The following PRTG variants were observed in gnomAD, a reference collection of about 807,000 sequenced individuals.
PRTG encodes immunoglobulin superfamily, DCC subclass, member 5.
PRTG carries 67 observed loss-of-function variants against 122.5 expected under a neutral mutation model. The ratio of observed to expected loss-of-function variants is 0.55; its 90% CI spans 0.45 to 0.67. The LOEUF (loss-of-function observed/expected upper bound fraction) is 0.67, where lower values mean the gene tolerates loss of function less well. Ranked by LOEUF, PRTG falls within the 30% of genes least tolerant of loss-of-function variation. PRTG has a pLI of 0.00. For missense variants in PRTG, 1,435 were observed against 1,415.4 expected (o/e 1.01, Z -0.22); for synonymous variants, 554 against 501.1 (o/e 1.11, Z -1.41).
At chr15:55,711,250 C>A (rs974605578) in intron 2 of PRTG, among the ~76,000 whole-genome samples, 2 of 152,036 alleles carry the variant, frequency 1.3e-5, no homozygotes, top group Non-Finnish European at 2.9e-5. Context: ...TTATCCTTTC[C>A]TATTCCTCTG....
chr15:55,679,197 G>A (rs1457529675), intron 7 of PRTG, 89 bp downstream of exon 7: 6 of 769,954 alleles, frequency 7.8e-6, no homozygotes, highest in Middle Eastern at 2.7e-4. Context: ...AGATAATTTA[G>A]GTATTTGATA....
chr15:55,645,202 G>C (rs570599097), intron 11 of PRTG, among the ~76,000 whole-genome samples: 1 of 151,460 alleles, frequency 6.6e-6, no homozygotes, highest in African/African-American at 2.4e-5. Context: ...TTGGGAGGCC[G>C]AGACGGGCGG....
chr15:55,741,152 C>T (rs1414141338), intron 1 of PRTG, among the ~76,000 whole-genome samples: 2 of 152,222 alleles, frequency 1.3e-5, no homozygotes, highest in African/African-American at 2.4e-5. Context: ...GGCACCTACT[C>T]CTTTGGGAAC....
At chr15:55,626,486 G>A (rs1238339235) in intron 17 of PRTG, among the ~76,000 whole-genome samples, 1 of 151,474 alleles carries the variant, frequency 6.6e-6, no homozygotes, top group African/African-American at 2.4e-5. Context: ...GCTGATACCT[G>A]TAATCTCAGC....
At chr15:55,742,536 A>C (rs1016286909) in intron 1 of PRTG, 22 of 308,804 alleles carry the variant, frequency 7.1e-5, no homozygotes, top group Non-Finnish European at 1.0e-4. Flanking sequence ...CGCGAGAAGG[A>C]AGAGACCAGA....
In PRTG at chr15:55,683,874, G is replaced by A. The variant is rs769785792; in HGVS notation, c.455C>T (p.Ala152Val). The A allele has an allele frequency of 1.9e-6, 3 of 1,613,816 alleles. No individual in the cohort carries two copies. The highest frequency in any genetic ancestry group is 2.5e-6 in the Non-Finnish European group (3 of 1,179,772). The change falls in exon 3 of 20, where the codon GCT becomes GTT. Residue 152 changes from alanine to valine, a missense_variant. Physicochemically the swap from Ala to Val is moderately conservative, Grantham distance 64 (BLOSUM62 0). Coordinates refer to ENST00000389286, the MANE Select transcript of PRTG (RefSeq NM_173814.6). The part of the protein sequence containing the change: ...ISTEVHEGGV[A>V]RFACKISSHP... ...GGATGAAATCTTGCATGCAAATCGA[G>A]CAACTCCACCTTCGTGGACCTCAGT... is the stretch of plus-strand genomic sequence containing the variant.
At position 55,624,382 on chromosome 15, in the gene PRTG, A is replaced by G. The variant is rs1440878648; in HGVS notation, c.3053T>C (p.Leu1018Ser). ...GCTGTTTGGCATGATCATTGGCATTAAAGATTCTTCATTTCCTACAGCTCC... is the reference window on the plus strand; with the variant it reads ...GCTGTTTGGCATGATCATTGGCATTGAAGATTCTTCATTTCCTACAGCTCC... Reference protein sequence around the residue: ...LEGAVGNEESLMPMIMPNSFI... With the variant: ...LEGAVGNEESSMPMIMPNSFI... The change falls in exon 18 of 20, where the codon TTA becomes TCA. Residue 1018 changes from leucine (L) to serine (S), a missense_variant. By Grantham distance (145) the Leu-to-Ser change is moderately radical. Transcript: ENST00000389286. 3.1e-6 allele frequency: 5 copies of G among 1,614,008 alleles called. No homozygotes were observed. Among genetic ancestry groups the G allele is most frequent in the Non-Finnish European group, 4.2e-6 (5 of 1,180,004 alleles).
intron 2 of PRTG, among the ~76,000 whole-genome samples, chr15:55,684,523 G>A (rs531526419): frequency 2.6e-5 from 4 of 152,302 alleles, no homozygotes; most frequent in African/African-American, 9.6e-5. Context: ...GACTTTATGG[G>A]AAAGCTGAAG....
intron 7 of PRTG, 80 bp from the exon 8 acceptor site, chr15:55,678,124 CTCTCAT>C: frequency 2.5e-6 from 2 of 790,932 alleles, no homozygotes; most frequent in Non-Finnish European, 3.9e-6. Context: ...GCTAAATATA[CTCTCAT>C]TTTATTTTAT....
chr15:55,682,543 A>AT (rs201391029), intron 3 of PRTG, 46 bp from the exon 4 acceptor site: 79 of 415,784 alleles, frequency 1.9e-4, no homozygotes, highest in Non-Finnish European at 2.8e-4. Context: ...TAGATTTCAT[A>AT]TTTTATTTAT....
Position 55,615,762 on chromosome 15 carries a change from G to GA in PRTG, c.*4249dup, listed in dbSNP as rs1863394875. 1 of 152,142 alleles carries GA rather than the reference G, an allele frequency of 6.6e-6. No homozygotes were observed. The highest frequency in any genetic ancestry group is 1.5e-5 in the Non-Finnish European group (1 of 67,952). 9.4% of individuals were successfully genotyped at this position (152,142 alleles called of 1,614,324 possible). A position where few individuals can be genotyped will look rare whatever the true frequency, so the allele number is the denominator to read the frequency against. On this transcript the variant is annotated 3_prime_UTR_variant, in exon 20 of 20. Coordinates refer to ENST00000389286, the MANE Select transcript of PRTG (RefSeq NM_173814.6). ...TCAGTATTCAAAATTTACATTCAGTGAAACAGAAATGTATATAAGTGAACC... is the reference window on the plus strand; with the variant it reads ...TCAGTATTCAAAATTTACATTCAGTGAAAACAGAAATGTATATAAGTGAACC...
chr15:55,692,365 C>T (rs563647774), intron 2 of PRTG, among the ~76,000 whole-genome samples: 6 of 152,172 alleles, frequency 3.9e-5, no homozygotes, highest in Admixed American at 2.0e-4. Flanking sequence ...AAAGAGAGGG[C>T]GCACAAAAGA....
At position 55,677,913 on chromosome 15, in the gene PRTG, G is replaced by A. The variant is rs775039773; in HGVS notation, c.1265C>T (p.Pro422Leu). The change falls in exon 8 of 20, where the codon CCC (proline) becomes CTC (leucine). Residue 422 changes from proline (P) to leucine (L), a missense_variant. By Grantham distance (98) the Pro-to-Leu change is moderately conservative. Transcript: ENST00000389286. Reference protein sequence around the residue: ...VVMSEDRPSAPYNVHAETMSS... With the variant: ...VVMSEDRPSALYNVHAETMSS... Reference sequence around the variant, plus strand: ...CATGGTTTCAGCATGTACATTATAGGGAGCACTGGGTCTGTCTTCTGACAT... The same window carrying A: ...CATGGTTTCAGCATGTACATTATAGAGAGCACTGGGTCTGTCTTCTGACAT... The A allele has an allele frequency of 3.1e-6, 5 of 1,613,764 alleles. No homozygotes were observed. Among genetic ancestry groups the A allele is most frequent in the Non-Finnish European group, 4.2e-6 (5 of 1,179,902 alleles).
intron 13 of PRTG, 47 bp downstream of exon 13, chr15:55,639,595 T>G: frequency 1.3e-6 from 2 of 1,511,836 alleles, no homozygotes; most frequent in Non-Finnish European, 1.8e-6. Context: ...GGAGTGGGGG[T>G]GTGGTGAGGT....
At chr15:55,656,913 A>G (rs1271669714) in intron 11 of PRTG, among the ~76,000 whole-genome samples, 1 of 152,222 alleles carries the variant, frequency 6.6e-6, no homozygotes, top group Non-Finnish European at 1.5e-5. Context: ...CACTGAGGAC[A>G]ATAAAAAGGA....
chr15:55,689,923 G>A (rs1027061447), intron 2 of PRTG, among the ~76,000 whole-genome samples: 4 of 147,758 alleles, frequency 2.7e-5, no homozygotes, highest in African/African-American at 7.5e-5. Flanking sequence ...GCAAGACTCC[G>A]TCTCAAAAAA....
intron 15 of PRTG, among the ~76,000 whole-genome samples, chr15:55,636,509 C>T (rs1434125212): frequency 1.3e-5 from 2 of 152,016 alleles, no homozygotes; most frequent in Non-Finnish European, 2.9e-5. Context: ...TCCCAAATAC[C>T]GGCCAACCAT....
intron 3 of PRTG, 104 bp downstream of exon 3, chr15:55,683,683 C>T (rs2059554164): frequency 1.2e-6 from 1 of 861,666 alleles, no homozygotes; most frequent in South Asian, 2.0e-5. Flanking sequence ...GTTATTACTG[C>T]CCTAAATAAA....
intron 2 of PRTG, among the ~76,000 whole-genome samples, chr15:55,712,828 C>CA (rs1157055002): frequency 1.3e-5 from 2 of 151,790 alleles, no homozygotes; most frequent in African/African-American, 4.8e-5. Flanking sequence ...CTCAAGCAAA[C>CA]AAAAAAAATT....
Sources: gnomAD v4.1 joint callset for allele counts (sites outside exome capture counted in the v4.1 genomes callset) on GRCh38, gnomAD v4.1.1 for gene constraint, MANE v1.5 for transcripts, NCBI Gene and HGNC (gene_info 2026-07-23, HGNC 2026-07-21) for gene names.